The following ITPKB variants were observed in gnomAD, a reference collection of about 807,000 sequenced individuals.
ITPKB encodes IP3 3-kinase B.
Under a neutral mutation model 69.4 loss-of-function variants are expected in ITPKB, and 13 were observed. The observed-to-expected ratio is 0.19, with a 90% confidence interval of 0.12 to 0.30. The LOEUF (loss-of-function observed/expected upper bound fraction) is 0.30, where lower values mean the gene tolerates loss of function less well. Among genes scored for constraint, ITPKB ranks in the 10% least tolerant of loss-of-function variants. The pLI, the probability that ITPKB is intolerant of heterozygous loss-of-function variation, is 1.00. For missense variants in ITPKB, 1,240 were observed against 1,250.5 expected, an observed-to-expected ratio of 0.99 and a Z score of 0.13; for synonymous variants, 584 against 513.7, an observed-to-expected ratio of 1.14 and a Z score of -1.85.
At chr1:226,702,397 CGG>C (rs1656690319) in intron 2 of ITPKB, among the ~76,000 whole-genome samples, 1 of 134,532 alleles carries the variant, frequency 7.4e-6, no homozygotes, top group African/African-American at 3.1e-5. Flanking sequence ...GACTCCCTCT[CGG>C]AAAAAAAAAA....
At chr1:226,667,423 G>A (rs758113990) in intron 2 of ITPKB, among the ~76,000 whole-genome samples, 2 of 152,184 alleles carry the variant, frequency 1.3e-5, no homozygotes, top group Non-Finnish European at 2.9e-5. Context: ...TTAAGGGCGG[G>A]GTTTCTGAAG....
chr1:226,679,947 G>T (rs1480794996), intron 2 of ITPKB, among the ~76,000 whole-genome samples: 1 of 152,168 alleles, frequency 6.6e-6, no homozygotes, highest in African/African-American at 2.4e-5. Context: ...AGGCGGAGAG[G>T]GCAGGGAGAA....
intron 2 of ITPKB, chr1:226,656,609 A>G (rs761900539): frequency 6.6e-6 from 1 of 152,190 alleles, no homozygotes; most frequent in Non-Finnish European, 1.5e-5. Context: ...CCACCTTGCA[A>G]ATTAAGGGCT....
At position 226,634,556 on chromosome 1, in the gene ITPKB, T is replaced by C. The variant is rs775804811; in HGVS notation, c.*115A>G. ...ATCTCCTCTTCTACAAAGTGTCTTG[T>C]AGTGCAGTTCAGGAGGGTCAGTCAG... On this transcript the variant is annotated 3_prime_UTR_variant, in exon 8 of 8. Coordinates refer to ENST00000429204, the MANE Select transcript of ITPKB (RefSeq NM_002221.4). The surrounding 1 kb of genome is among the most constrained non-coding windows in gnomAD (Gnocchi z 6.3). The C allele has an allele frequency of 9.4e-5, 59 of 625,716 alleles. No individual in the cohort carries two copies. Among genetic ancestry groups the C allele is most frequent in the Admixed American group, 1.6e-4 (6 of 38,568 alleles). 38.8% of individuals were successfully genotyped at this position (625,716 alleles called of 1,614,324 possible). A position where few individuals can be genotyped will look rare whatever the true frequency, so the allele number is the denominator to read the frequency against.
At chr1:226,734,532 C>T (rs1476514268) in intron 2 of ITPKB, among the ~76,000 whole-genome samples, 1 of 152,142 alleles carries the variant, frequency 6.6e-6, no homozygotes, top group African/African-American at 2.4e-5. Flanking sequence ...GCACAACCAC[C>T]CCTGGCACAC....
Position 226,633,132 on chromosome 1 carries a change from TCATGTGTCCCA to T in ITPKB, c.*1528_*1538del. The T allele has an allele frequency of 6.6e-6, 1 of 152,356 alleles. No individual in the cohort carries two copies. Among genetic ancestry groups the T allele is most frequent in the East Asian group, 1.9e-4 (1 of 5,186 alleles). The allele number at this position is 152,356 out of a possible 1,614,324, so 9.4% of individuals were successfully genotyped here. A position where few individuals can be genotyped will look rare whatever the true frequency, so the allele number is the denominator to read the frequency against. On this transcript the variant is annotated 3_prime_UTR_variant, in exon 8 of 8. Coordinates refer to ENST00000429204, the MANE Select transcript of ITPKB (RefSeq NM_002221.4). ...TTTTAAAATCTGTACTTATACATCC[TCATGTGTCCCA>T]CCCTCCACCCCCAGCAAGTGTCACT...
chr1:226,707,634 A>T (rs1385168988), intron 2 of ITPKB: 2 of 1,001,162 alleles, frequency 2.0e-6, no homozygotes, highest in Non-Finnish European at 2.4e-6. Flanking sequence ...CAGTGTACAC[A>T]TGAGTAACTC....
chr1:226,661,731 C>G (rs1412827654), intron 2 of ITPKB, among the ~76,000 whole-genome samples: 1 of 152,228 alleles, frequency 6.6e-6, no homozygotes, highest in Admixed American at 6.5e-5. Context: ...TCAACAGAGG[C>G]AGATACATTT....
At position 226,737,204 on chromosome 1, in the gene ITPKB, G is replaced by A. The variant is rs1418352175; in HGVS notation, c.255C>T (p.Ser85=). 1 of 1,584,542 alleles carries A rather than the reference G, an allele frequency of 6.3e-7. No individual in the cohort carries two copies. The highest frequency in any genetic ancestry group is 8.5e-7 in the Non-Finnish European group (1 of 1,173,242). Residue 85 remains serine, a synonymous_variant, in exon 2 of 8, where the codon AGC becomes AGT. Coordinates refer to ENST00000429204, the MANE Select transcript of ITPKB (RefSeq NM_002221.4). ...CGCTGCTGCCGCTGCCACTGCCGCT[G>A]CTACTATTCAGCCTGCGCCGGCCGC... ...WRSGRRRLNS[S]SGSGSGSSGS...
In ITPKB at chr1:226,634,926, G is replaced by A; in HGVS notation, c.2626-40C>T. 6.5e-7 allele frequency: 1 copy of A among 1,530,376 alleles called. No homozygotes were observed. Among genetic ancestry groups the A allele is most frequent in the Non-Finnish European group, 9.0e-7 (1 of 1,117,086 alleles). The allele number at this position is 1,530,376 out of a possible 1,614,324, so 94.8% of individuals were successfully genotyped here. A position where few individuals can be genotyped will look rare whatever the true frequency, so the allele number is the denominator to read the frequency against. On this transcript the variant is annotated intron_variant, in intron 7 of 7. Coordinates refer to ENST00000429204, the MANE Select transcript of ITPKB (RefSeq NM_002221.4). The surrounding 1 kb of genome is among the most constrained non-coding windows in gnomAD (Gnocchi z 6.3). Reference sequence around the variant, plus strand: ...GGGGTGAAGGGTGAGCTGAAGCCCGGGCCTCGCCCTCCCCACTGCGGCCCG... The same window carrying A: ...GGGGTGAAGGGTGAGCTGAAGCCCGAGCCTCGCCCTCCCCACTGCGGCCCG...
intron 2 of ITPKB, among the ~76,000 whole-genome samples, chr1:226,671,116 A>C (rs1038940075): frequency 6.6e-6 from 1 of 152,188 alleles, no homozygotes; most frequent in African/African-American, 2.4e-5. Flanking sequence ...TGAGCTCAGG[A>C]CTGAAAACTG....
chr1:226,639,267 A>G (rs1441854144), intron 6 of ITPKB, among the ~76,000 whole-genome samples: 2 of 152,156 alleles, frequency 1.3e-5, no homozygotes, highest in Non-Finnish European at 2.9e-5. Context: ...CATGTTGGCC[A>G]GGCTGGTCTC....
chr1:226,641,794 G>C lies in ITPKB; in HGVS notation c.2451+127C>G. 1.2e-6 allele frequency: 1 copy of C among 851,420 alleles called. No homozygotes were observed. Among genetic ancestry groups the C allele is most frequent in the African/African-American group, 1.7e-5 (1 of 59,286 alleles). The allele number at this position is 851,420 out of a possible 1,614,324, so 52.7% of individuals were successfully genotyped here. On this transcript the variant is annotated intron_variant, in intron 5 of 7. Coordinates refer to ENST00000429204, the MANE Select transcript of ITPKB (RefSeq NM_002221.4). The surrounding 1 kb of genome is among the most constrained non-coding windows in gnomAD (Gnocchi z 4.6). ...ATGTCTCCAAATGTCTGGCCTTGGG[G>C]CGGGCCACCCACATTCTGAGCCTGT...
intron 2 of ITPKB, among the ~76,000 whole-genome samples, chr1:226,712,035 G>C (rs1656973148): frequency 6.6e-6 from 1 of 152,180 alleles, no homozygotes; most frequent in Non-Finnish European, 1.5e-5. Flanking sequence ...CGGGAGAAGG[G>C]CTTCAGGAAA....
intron 2 of ITPKB, among the ~76,000 whole-genome samples, chr1:226,711,945 C>T (rs1656970903): frequency 6.6e-6 from 1 of 152,150 alleles, no homozygotes; most frequent in Non-Finnish European, 1.5e-5. Flanking sequence ...TTTTTATTCT[C>T]CTCCCTGTTC....
intron 2 of ITPKB, among the ~76,000 whole-genome samples, chr1:226,654,703 AGTCCCAACCCTC>A (rs1411553973): frequency 1.3e-5 from 2 of 152,180 alleles, no homozygotes; most frequent in Non-Finnish European, 2.9e-5. Context: ...TTCTGGATCA[AGTCCCAACCCTC>A]CCGTGATGCT....
At position 226,736,727 on chromosome 1, in the gene ITPKB, T is replaced by C; in HGVS notation, c.732A>G (p.Thr244=). The C allele has an allele frequency of 6.2e-7, 1 of 1,612,824 alleles. No individual in the cohort carries two copies. Among genetic ancestry groups the C allele is most frequent in the Non-Finnish European group, 8.5e-7 (1 of 1,179,774 alleles). The change falls in exon 2 of 8, where the codon ACA becomes ACG. Residue 244 remains threonine (T), a synonymous_variant. Transcript: ENST00000429204. ...MPPLPGRAAP[T]GSEAQGPSAF... is the part of the protein sequence containing the mutation. ...CGGATGGACCCTGAGCCTCTGATCC[T>C]GTAGGGGCAGCCCGGCCGGGAAGAG...
chr1:226,732,549 T>G (rs1558100377), intron 2 of ITPKB, among the ~76,000 whole-genome samples: 1 of 151,818 alleles, frequency 6.6e-6, no homozygotes, highest in African/African-American at 2.4e-5. Flanking sequence ...TCTTTTGTTT[T>G]TTTTTTTTTT....
At chr1:226,700,897 C>G (rs1571864543) in intron 2 of ITPKB, among the ~76,000 whole-genome samples, 2 of 152,230 alleles carry the variant, frequency 1.3e-5, no homozygotes, top group East Asian at 3.8e-4. Flanking sequence ...AGGCCTGTGT[C>G]TTTTTCTGGA....
Sources: allele counts gnomAD v4.1 joint callset (sites outside exome capture counted in the v4.1 genomes callset), GRCh38; gene constraint gnomAD v4.1.1; non-coding constraint Gnocchi (gnomAD v3.1); transcripts MANE v1.5; gene names NCBI Gene and HGNC (gene_info 2026-07-23, HGNC 2026-07-21).